Variants in PRR16 observed in about 807,000 individuals in gnomAD.
PRR16 encodes the protein protein Largen.
PRR16 carries 6 observed loss-of-function variants against 18.2 expected under a neutral mutation model. That is an observed-to-expected ratio of 0.33 (90% CI 0.18 to 0.65). The LOEUF is 0.65. Among genes scored for constraint, PRR16 ranks in the 30% least tolerant of loss-of-function variants. The pLI, the probability that PRR16 is intolerant of heterozygous loss-of-function variation, is 0.74. For missense variants in PRR16, 412 were observed against 376.6 expected (o/e 1.09, Z -0.78); for synonymous variants, 151 against 147.8 (o/e 1.02, Z -0.16).
At chr5:120,757,361 T>G in the PRR16 span, among the ~76,000 whole-genome samples, 1 of 152,068 alleles carries the variant, frequency 6.6e-6, no homozygotes, top group African/African-American at 2.4e-5. Flanking sequence ...ATAATAACAT[T>G]GGTAGTTTGA....
At chr5:120,545,329 T>A (rs955027941) in intron 1 of PRR16, among the ~76,000 whole-genome samples, 3 of 152,170 alleles carry the variant, frequency 2.0e-5, no homozygotes, top group African/African-American at 7.2e-5. Context: ...TTGATTTATA[T>A]TATTACTAGA....
intron 1 of PRR16, among the ~76,000 whole-genome samples, chr5:120,497,690 A>C (rs918441883): frequency 6.6e-6 from 1 of 151,938 alleles, no homozygotes; most frequent in Non-Finnish European, 1.5e-5. Context: ...CTCCCGGCTG[A>C]ATTGATTCTT....
the PRR16 span, among the ~76,000 whole-genome samples, chr5:120,703,790 A>G: frequency 6.6e-6 from 1 of 152,186 alleles, no homozygotes; most frequent in Admixed American, 6.5e-5. Context: ...CTTAGCTTGC[A>G]GTTTTAAAGG....
chr5:120,556,533 C>G (rs1326640703), intron 1 of PRR16, among the ~76,000 whole-genome samples: 2 of 151,924 alleles, frequency 1.3e-5, no homozygotes, highest in Admixed American at 6.6e-5. Context: ...GAGAAGAATA[C>G]TGGTATAGCC....
chr5:120,754,313 C>T, the PRR16 span, among the ~76,000 whole-genome samples: 26 of 33,626 alleles, frequency 7.7e-4, no homozygotes, highest in South Asian at 2.9e-3. Context: ...TAATATATAA[C>T]ATATAAATAT....
the PRR16 span, among the ~76,000 whole-genome samples, chr5:120,726,373 C>G: frequency 6.6e-6 from 1 of 151,954 alleles, no homozygotes; most frequent in Admixed American, 6.6e-5. Flanking sequence ...GTTTAAAGGT[C>G]ATCCAGGGAG....
the PRR16 span, among the ~76,000 whole-genome samples, chr5:120,696,322 A>T: frequency 1.6e-4 from 23 of 146,154 alleles, no homozygotes; most frequent in Non-Finnish European, 2.4e-4. Flanking sequence ...AAATATATAT[A>T]AAAAAATTAG....
chr5:120,639,423 G>A (rs1278500938), intron 1 of PRR16, among the ~76,000 whole-genome samples: 1 of 151,996 alleles, frequency 6.6e-6, no homozygotes, highest in Admixed American at 6.6e-5. Context: ...TAAACTAAGT[G>A]AAAAATGTCT....
chr5:120,782,786 C>G, the PRR16 span, among the ~76,000 whole-genome samples: 1 of 151,978 alleles, frequency 6.6e-6, no homozygotes, highest in Non-Finnish European at 1.5e-5. Flanking sequence ...TGTGGCTGGT[C>G]CTGGTAATTT....
At chr5:120,506,938 G>A (rs1029142387) in intron 1 of PRR16, among the ~76,000 whole-genome samples, 3 of 152,120 alleles carry the variant, frequency 2.0e-5, no homozygotes, top group African/African-American at 4.8e-5. Flanking sequence ...ATGGGGGTCA[G>A]TATTTTAGCT....
At chr5:120,618,576 A>C in intron 1 of PRR16, 1 of 926,434 alleles carries the variant, frequency 1.1e-6, no homozygotes, top group Non-Finnish European at 1.3e-6. Context: ...GTAAGTAAAA[A>C]AGAAGTTATA....
intron 1 of PRR16, among the ~76,000 whole-genome samples, chr5:120,502,165 A>T (rs1040351081): frequency 1.3e-5 from 2 of 151,108 alleles, no homozygotes; most frequent in Admixed American, 1.3e-4. Context: ...AATCTGTCCT[A>T]AGGAAATAAT....
At chr5:120,514,711 A>C (rs759085819) in intron 1 of PRR16, among the ~76,000 whole-genome samples, 1 of 152,192 alleles carries the variant, frequency 6.6e-6, no homozygotes, top group Non-Finnish European at 1.5e-5. Context: ...CCACATTTCT[A>C]TCCAAGACCT....
intron 1 of PRR16, among the ~76,000 whole-genome samples, chr5:120,538,553 G>A (rs894222865): frequency 1.3e-5 from 2 of 152,200 alleles, no homozygotes; most frequent in African/African-American, 4.8e-5. Flanking sequence ...TTTTAGTGGC[G>A]ATATAGGGGA....
At chr5:120,559,238 G>A (rs1389124505) in intron 1 of PRR16, among the ~76,000 whole-genome samples, 1 of 151,850 alleles carries the variant, frequency 6.6e-6, no homozygotes, top group Non-Finnish European at 1.5e-5. Flanking sequence ...CAATGTCCAG[G>A]AGAGTTCCCC....
At chr5:120,679,678 G>C (rs1756911445) in intron 1 of PRR16, among the ~76,000 whole-genome samples, 1 of 151,968 alleles carries the variant, frequency 6.6e-6, no homozygotes, top group South Asian at 2.1e-4. Context: ...AAGAGAAAGG[G>C]GAAGAAACCC....
At chr5:120,490,962 A>G (rs1204309322) in intron 1 of PRR16, among the ~76,000 whole-genome samples, 1 of 152,216 alleles carries the variant, frequency 6.6e-6, no homozygotes, top group African/African-American at 2.4e-5. Flanking sequence ...AGGCTGCACA[A>G]CAGCGGATAT....
chr5:120,700,251 T>G, the PRR16 span, among the ~76,000 whole-genome samples: 1 of 152,040 alleles, frequency 6.6e-6, no homozygotes, highest in Non-Finnish European at 1.5e-5. Flanking sequence ...TCAGGAGAGT[T>G]TATAGGCTTT....
chr5:120,494,350 T>G (rs1324472452), intron 1 of PRR16, among the ~76,000 whole-genome samples: 3 of 152,018 alleles, frequency 2.0e-5, no homozygotes, highest in Non-Finnish European at 1.5e-5. Context: ...ATGTCTTTTA[T>G]TTTTTTGTAG....
Sources: gnomAD v4.1 joint callset for allele counts (sites outside exome capture counted in the v4.1 genomes callset) on GRCh38, gnomAD v4.1.1 for gene constraint, MANE v1.5 for transcripts, NCBI Gene and HGNC (gene_info 2026-07-23, HGNC 2026-07-21) for gene names.